Variants in NUDCD1 observed in about 807,000 individuals in gnomAD.
The protein encoded by NUDCD1 is NudC domain containing 1.
NUDCD1 carries 60 observed loss-of-function variants against 67.8 expected under a neutral mutation model. That is an observed-to-expected ratio of 0.88 (90% CI 0.72 to 1.10). NUDCD1 has a LOEUF of 1.10. Among genes scored for constraint, NUDCD1 ranks in the 50% least tolerant of loss-of-function variants. The probability of loss-of-function intolerance (pLI) is 0.00; values close to 1 mark genes in which losing one functional copy is unlikely to be tolerated. For synonymous variants in NUDCD1, 244 were observed against 230.8 expected (o/e 1.06, Z -0.52); for missense variants, 643 against 695.0 (o/e 0.93, Z 0.84).
chr8:109,241,172 A>G lies in NUDCD1; in HGVS notation c.*1837T>C, dbSNP rs1479441440. The G allele has an allele frequency of 1.3e-5, 2 of 152,150 alleles. No individual in the cohort carries two copies. The highest frequency in any genetic ancestry group is 2.9e-5 in the Non-Finnish European group (2 of 68,018). 9.4% of individuals were successfully genotyped at this position (152,150 alleles called of 1,614,324 possible). A position where few individuals can be genotyped will look rare whatever the true frequency, so the allele number is the denominator to read the frequency against. Reference sequence around the variant, plus strand: ...TTTTAACGTAGGTCAACATGCGACAATATTTAGGATTAATTATCCTGAGAG... The same window carrying G: ...TTTTAACGTAGGTCAACATGCGACAGTATTTAGGATTAATTATCCTGAGAG... On this transcript the variant is annotated 3_prime_UTR_variant, in exon 10 of 10. Transcript: ENST00000239690.
chr8:109,263,603 G>T (rs1456050408), intron 8 of NUDCD1, among the ~76,000 whole-genome samples: 1 of 152,142 alleles, frequency 6.6e-6, no homozygotes, highest in African/African-American at 2.4e-5. Context: ...AGTTCTTGAC[G>T]TAACTATTAT....
intron 8 of NUDCD1, among the ~76,000 whole-genome samples, chr8:109,266,858 C>T (rs974883943): frequency 9.9e-5 from 15 of 151,940 alleles, no homozygotes; most frequent in Admixed American, 9.2e-4. Flanking sequence ...ATTTTATTTT[C>T]AAAATGGCAA....
chr8:109,302,371 C>T (rs1815009448), intron 2 of NUDCD1, among the ~76,000 whole-genome samples: 1 of 152,122 alleles, frequency 6.6e-6, no homozygotes. Context: ...TGAGACTCAT[C>T]CCAAATCTTT....
intron 3 of NUDCD1, 29 bp from the exon 4 acceptor site, chr8:109,293,553 A>C: frequency 1.5e-6 from 2 of 1,297,428 alleles, no homozygotes; most frequent in South Asian, 3.1e-5. Flanking sequence ...CACACAAAAA[A>C]GTGTACATAA....
rs997910001 is a variant in NUDCD1, at chr8:109,249,792, CGG to C, written c.1300-4313_1300-4312del. Among the ~76,000 whole-genome samples, 35 of 150,462 alleles carry C rather than the reference CGG, an allele frequency of 2.3e-4. 1 individual carries two copies. The highest frequency in any genetic ancestry group is 8.0e-4 in the African/African-American group (33 of 41,024). ...GATGGCAGTAACTACATATAATTTA[CGG>C]AGAGACATAAGAATCCCATTAAAAA... On this transcript the variant is annotated intron_variant, in intron 8 of 9. Coordinates refer to ENST00000239690, the MANE Select transcript of NUDCD1 (RefSeq NM_032869.4).
chr8:109,271,875 G>A (rs1814165167), intron 7 of NUDCD1, among the ~76,000 whole-genome samples: 1 of 151,958 alleles, frequency 6.6e-6, no homozygotes. Flanking sequence ...GGAATACAAT[G>A]GTGGATATTT....
intron 2 of NUDCD1, among the ~76,000 whole-genome samples, chr8:109,321,114 AG>A (rs1471590060): frequency 6.6e-6 from 1 of 152,252 alleles, no homozygotes; most frequent in African/African-American, 2.4e-5. Flanking sequence ...AAATATTAAA[AG>A]AATTTTAGCA....
At chr8:109,255,689 A>G (rs1461297301) in intron 8 of NUDCD1, among the ~76,000 whole-genome samples, 2 of 152,036 alleles carry the variant, frequency 1.3e-5, no homozygotes, top group African/African-American at 4.8e-5. Context: ...AAAAAAAAAA[A>G]AAAGAAAAAA....
At chr8:109,320,313 G>A (rs572578790) in intron 2 of NUDCD1, among the ~76,000 whole-genome samples, 4 of 152,232 alleles carry the variant, frequency 2.6e-5, no homozygotes, top group Middle Eastern at 3.4e-3. Context: ...TGCCCAGGGG[G>A]GCCAGTTCAG....
At chr8:109,293,547 C>CA (rs754983438) in intron 3 of NUDCD1, 23 bp from the exon 4 acceptor site, 4 of 1,348,074 alleles carry the variant, frequency 3.0e-6, no homozygotes, top group Non-Finnish European at 2.0e-6. Context: ...ATTACACACA[C>CA]AAAAAAGTGT....
intron 4 of NUDCD1, 120 bp downstream of exon 4, chr8:109,293,224 T>G (rs995252592): frequency 3.8e-6 from 2 of 521,424 alleles, no homozygotes; most frequent in African/African-American, 2.0e-5. Context: ...TGGTGGCAGG[T>G]GCCAGAATTG....
Position 109,312,091 on chromosome 8 carries a change from C to G in NUDCD1, c.273+10218G>C, listed in dbSNP as rs1036687623. Among the ~76,000 whole-genome samples, 3 of 151,974 alleles carry G rather than the reference C, an allele frequency of 2.0e-5. No individual in the cohort carries two copies. The East Asian group carries it at 5.8e-4, about 29-fold the overall frequency. On this transcript the variant is annotated intron_variant, in intron 2 of 9. Coordinates refer to ENST00000239690, the MANE Select transcript of NUDCD1 (RefSeq NM_032869.4). ...GCCAAGGCAGGCGAATCACCTGAGG[C>G]AGGAGTTCAAGACCAGCCTGGCCAA...
chr8:109,280,530 G>A (rs1339852406), intron 6 of NUDCD1, among the ~76,000 whole-genome samples: 1 of 152,186 alleles, frequency 6.6e-6, no homozygotes, highest in Non-Finnish European at 1.5e-5. Context: ...CTGATTGTGA[G>A]GAGTGGGAGG....
intron 2 of NUDCD1, chr8:109,315,420 C>G (rs1405278073): frequency 6.6e-6 from 1 of 152,126 alleles, no homozygotes; most frequent in Non-Finnish European, 1.5e-5. Context: ...AAACTTCTAT[C>G]ACAGAGGAAG....
intron 8 of NUDCD1, among the ~76,000 whole-genome samples, chr8:109,256,723 A>G (rs535328966): frequency 8.5e-5 from 13 of 152,304 alleles, no homozygotes; most frequent in South Asian, 4.1e-4. Flanking sequence ...GCACCACAAG[A>G]AAAGGAAAAA....
rs61398030 is a variant in NUDCD1 at position 109,314,450 on chromosome 8, T to A, written c.273+7859A>T. Among the ~76,000 whole-genome samples the A allele has an allele frequency of 1.5e-3, 223 of 152,286 alleles. 1 individual carries two copies. The highest frequency in any genetic ancestry group is 4.5e-3 in the African/African-American group (189 of 41,572). On this transcript the variant is annotated intron_variant, in intron 2 of 9. Transcript: ENST00000239690. ...AGAAGAGAGGTTCAAAAAGATTAAA[T>A]AATTTGCCTGGAGCTCCACTGCTAG...
At chr8:109,309,866 CA>C (rs201149659) in intron 2 of NUDCD1, among the ~76,000 whole-genome samples, 8 of 130,900 alleles carry the variant, frequency 6.1e-5, no homozygotes, top group East Asian at 2.3e-4. Context: ...CAATAGCTGC[CA>C]AAAAAAAAAC....
At chr8:109,326,766 C>A (rs1390093107) in intron 1 of NUDCD1, among the ~76,000 whole-genome samples, 1 of 152,088 alleles carries the variant, frequency 6.6e-6, no homozygotes, top group Non-Finnish European at 1.5e-5. Context: ...CTCATGGGAC[C>A]TCAAAGGGCT....
At chr8:109,262,881 T>C (rs1047139456) in intron 8 of NUDCD1, among the ~76,000 whole-genome samples, 2 of 151,522 alleles carry the variant, frequency 1.3e-5, no homozygotes, top group Non-Finnish European at 2.9e-5. Context: ...TGGTGAAACC[T>C]TGTCCCTACT....
Sources: allele counts gnomAD v4.1 joint callset (sites outside exome capture counted in the v4.1 genomes callset), GRCh38; gene constraint gnomAD v4.1.1; transcripts MANE v1.5; gene names NCBI Gene and HGNC (gene_info 2026-07-23, HGNC 2026-07-21).